The following TNRC6A variants were observed in gnomAD, a reference collection of about 807,000 sequenced individuals.
TNRC6A encodes the protein trinucleotide repeat containing adaptor 6A, also known as trinucleotide repeat-containing gene 6A protein.
TNRC6A carries 44 observed loss-of-function variants against 221.2 expected under a neutral mutation model. That is an observed-to-expected ratio of 0.20 (90% CI 0.16 to 0.26). TNRC6A has a LOEUF of 0.26. TNRC6A is among the 10% of genes least tolerant of loss of function. TNRC6A has a pLI of 1.00. For synonymous variants in TNRC6A, 847 were observed against 838.5 expected (o/e 1.01, Z -0.18); for missense variants, 2,199 against 2,404.4 (o/e 0.91, Z 1.79).
intron 17 of TNRC6A, 28 bp from the exon 18 acceptor site, chr16:24,809,322 G>GGTTTT: frequency 6.1e-6 from 9 of 1,474,854 alleles, no homozygotes; most frequent in Non-Finnish European, 8.2e-6. Flanking sequence ...TATTTTCTAA[G>GGTTTT]GTTTTGTTTT....
At chr16:24,652,600 T>C (rs1005978187) in intron 2 of TNRC6A, among the ~76,000 whole-genome samples, 4 of 152,204 alleles carry the variant, frequency 2.6e-5, no homozygotes, top group Admixed American at 1.3e-4. Context: ...GTTTTCATAA[T>C]CACTGTCCTT....
chr16:24,711,707 A>C (rs2056208964), intron 2 of TNRC6A, among the ~76,000 whole-genome samples: 1 of 151,926 alleles, frequency 6.6e-6, no homozygotes, highest in Admixed American at 6.6e-5. Context: ...TGGACCTTTC[A>C]TTTTATGTGA....
At chr16:24,706,979 T>TTTTA (rs762561225) in intron 2 of TNRC6A, among the ~76,000 whole-genome samples, 12,375 of 140,438 alleles carry the variant, frequency 0.088, 604 homozygotes, top group African/African-American at 0.12. Context: ...ATTTATCTAT[T>TTTTA]TTTATTTATG....
Position 24,670,437 on chromosome 16 carries a change from G to A in TNRC6A, n.402+29428G>A, listed in dbSNP as rs967683043. Among the ~76,000 whole-genome samples the A allele has an allele frequency of 2.0e-5, 3 of 152,254 alleles. No individual in the cohort carries two copies. In the East Asian group the frequency reaches 5.8e-4, roughly 29 times the overall value. On this transcript the variant is annotated intron_variant and non_coding_transcript_variant, in intron 2 of 2. Coordinates refer to the TNRC6A transcript ENST00000566108. ...CGCAAGGGTCTCCCAGATGCAATGC[G>A]TTGCACCTTTCTGGAGGCTACGGGG...
intron 2 of TNRC6A, among the ~76,000 whole-genome samples, chr16:24,679,366 C>G (rs2055485253): frequency 6.6e-6 from 1 of 151,658 alleles, no homozygotes; most frequent in Non-Finnish European, 1.5e-5. Flanking sequence ...TGTAGTGGCA[C>G]AATCTTGGCT....
rs751749993 is a variant in TNRC6A, at chr16:24,791,393, T to C, written c.2751T>C (p.Thr917=). 1 of 1,571,208 alleles carries C rather than the reference T, an allele frequency of 6.4e-7. No individual in the cohort carries two copies. Among genetic ancestry groups the C allele is most frequent in the South Asian group, 1.2e-5 (1 of 82,014 alleles). ...SSGWDESSKP[T]PSQGWGDPPK... ...GATGGGATGAATCTTCTAAACCTAC[T>C]CCTTCCCAGGGATGGGGAGACCCTC... Residue 917 remains threonine, a synonymous_variant, in exon 6 of 25, where the codon ACT becomes ACC. Coordinates refer to ENST00000395799, the MANE Select transcript of TNRC6A (RefSeq NM_014494.4).
intron 2 of TNRC6A, among the ~76,000 whole-genome samples, chr16:24,677,993 G>A (rs2055454277): frequency 6.6e-6 from 1 of 151,938 alleles, no homozygotes; most frequent in African/African-American, 2.4e-5. Flanking sequence ...GTGTGGGCTG[G>A]ATGTAGTGTA....
chr16:24,761,081 A>G (rs2057353590), intron 4 of TNRC6A, among the ~76,000 whole-genome samples: 1 of 152,192 alleles, frequency 6.6e-6, no homozygotes, highest in African/African-American at 2.4e-5. Flanking sequence ...CTTACAGTTC[A>G]TAATGTCAGT....
chr16:24,720,742 G>T (rs907347133), intron 2 of TNRC6A, among the ~76,000 whole-genome samples: 2 of 139,310 alleles, frequency 1.4e-5, no homozygotes, highest in African/African-American at 5.4e-5. Flanking sequence ...AAAAGAAAAA[G>T]AATTAAGGCT....
At chr16:24,615,217 G>C (rs1034740299) in intron 1 of TNRC6A, among the ~76,000 whole-genome samples, 1 of 152,098 alleles carries the variant, frequency 6.6e-6, no homozygotes, top group Non-Finnish European at 1.5e-5. Context: ...ATTAGAGAAG[G>C]CTCACAGGTT....
intron 1 of TNRC6A, among the ~76,000 whole-genome samples, chr16:24,639,522 T>C (rs1182108417): frequency 6.6e-6 from 1 of 151,962 alleles, no homozygotes; most frequent in Non-Finnish European, 1.5e-5. Context: ...AAGATATGAG[T>C]ATGTGCTAAA....
chr16:24,717,823 G>A (rs2056342849), intron 2 of TNRC6A, among the ~76,000 whole-genome samples: 1 of 143,224 alleles, frequency 7.0e-6, no homozygotes, highest in Non-Finnish European at 1.5e-5. Flanking sequence ...CCAGGCTGGA[G>A]TGCAATGGTG....
At chr16:24,651,229 G>A (rs1275262704) in intron 2 of TNRC6A, among the ~76,000 whole-genome samples, 4 of 151,248 alleles carry the variant, frequency 2.6e-5, no homozygotes, top group Admixed American at 1.3e-4. Flanking sequence ...CTAAGGAATC[G>A]TATGCCACAA....
At chr16:24,804,086 T>C (rs531255027) in intron 11 of TNRC6A, 91 bp from the exon 12 acceptor site, 7 of 1,360,728 alleles carry the variant, frequency 5.1e-6, no homozygotes, top group Non-Finnish European at 5.9e-6. Context: ...TCATTTCAGT[T>C]TGGAAAGTGA....
intron 2 of TNRC6A, among the ~76,000 whole-genome samples, chr16:24,702,915 G>T (rs957968043): frequency 2.6e-5 from 4 of 151,852 alleles, no homozygotes; most frequent in African/African-American, 7.3e-5. Context: ...GGCACCTGTA[G>T]TCCCAGCTAC....
In TNRC6A at chr16:24,791,621, A is replaced by T; in HGVS notation, c.2979A>T (p.Glu993Asp). The change falls in exon 6 of 25, where the codon GAA becomes GAT. Residue 993 changes from glutamate to aspartate, a missense_variant. Around this residue, in one of 8 missense-constraint regions of TNRC6A, gnomAD observed 1,405 missense variants for 1,400.2 expected, o/e 1.00. Coordinates refer to ENST00000395799, the MANE Select transcript of TNRC6A (RefSeq NM_014494.4). The stretch of plus-strand genomic sequence containing the variant: ...CAGGCTGGGAGGAACCATCCCCAGA[A>T]TCTATACGTCGCAAAATGGAGATTG... ...EPTGWEEPSP[E>D]SIRRKMEIDD... is the part of the protein sequence containing the mutation. The T allele has an allele frequency of 6.2e-7, 1 of 1,610,344 alleles. No individual in the cohort carries two copies. The highest frequency in any genetic ancestry group is 8.5e-7 in the Non-Finnish European group (1 of 1,178,610).
intron 2 of TNRC6A, among the ~76,000 whole-genome samples, chr16:24,709,271 T>A (rs2056158580): frequency 7.0e-6 from 1 of 141,996 alleles, no homozygotes; most frequent in Non-Finnish European, 1.6e-5. Context: ...AAAAAAAAAA[T>A]GTTTGGGTGT....
chr16:24,621,201 G>A (rs995294098), intron 1 of TNRC6A, among the ~76,000 whole-genome samples: 5 of 150,914 alleles, frequency 3.3e-5, no homozygotes, highest in African/African-American at 1.2e-4. Flanking sequence ...AAAAAAACAT[G>A]TGCTTAAGCA....
At chr16:24,699,806 A>C (rs1278505545) in intron 2 of TNRC6A, among the ~76,000 whole-genome samples, 1 of 152,082 alleles carries the variant, frequency 6.6e-6, no homozygotes, top group Non-Finnish European at 1.5e-5. Flanking sequence ...GAAGGGCCAC[A>C]GATACCATTT....
Sources: allele counts gnomAD v4.1 joint callset (sites outside exome capture counted in the v4.1 genomes callset), GRCh38; gene constraint gnomAD v4.1.1; regional missense constraint gnomAD v4.1.1; transcripts MANE v1.5; gene names NCBI Gene and HGNC (gene_info 2026-07-23, HGNC 2026-07-21).